The following IL1RAPL1 variants were observed in gnomAD, a reference collection of about 807,000 sequenced individuals.
The protein encoded by IL1RAPL1 is interleukin-1 receptor accessory protein-like 1.
Under a neutral mutation model 48.4 loss-of-function variants are expected in IL1RAPL1, and 3 were observed. The observed-to-expected ratio is 0.06, with a 90% CI of 0.03 to 0.16. The LOEUF (loss-of-function observed/expected upper bound fraction) is 0.16. IL1RAPL1 is among the 10% of genes least tolerant of loss of function. IL1RAPL1 has a pLI of 1.00. For synonymous variants in IL1RAPL1, 185 were observed against 187.7 expected (o/e 0.99, Z 0.12); for missense variants, 349 against 530.6 (o/e 0.66, Z 3.36).
chrX:28,976,596 A>G (rs946144722), intron 2 of IL1RAPL1, among the ~76,000 whole-genome samples: 10 of 111,723 alleles, frequency 9.0e-5, no homozygotes, highest in Middle Eastern at 4.6e-3. Flanking sequence ...GCAGTTTGTC[A>G]TTAAATCTGG....
chrX:29,007,312 A>C (rs1247668708), intron 2 of IL1RAPL1, among the ~76,000 whole-genome samples: 1 of 112,161 alleles, frequency 8.9e-6, no homozygotes, highest in Non-Finnish European at 1.9e-5. Flanking sequence ...TATAGGAGGT[A>C]TGAAGACCAG....
At chrX:29,888,618 G>C (rs1160726566) in intron 6 of IL1RAPL1, among the ~76,000 whole-genome samples, 1 of 110,838 alleles carries the variant, frequency 9.0e-6, no homozygotes, top group Non-Finnish European at 1.9e-5. Context: ...TATTCATCTG[G>C]TTATATTTTC....
chrX:29,803,275 A>ATG (rs199622870), intron 6 of IL1RAPL1, among the ~76,000 whole-genome samples: 9 of 32,803 alleles, frequency 2.7e-4, no homozygotes, highest in African/African-American at 8.7e-4. Flanking sequence ...ATATGTATAC[A>ATG]TATACACACA....
At chrX:29,479,569 G>A (rs1443999252) in intron 5 of IL1RAPL1, among the ~76,000 whole-genome samples, 5 of 108,010 alleles carry the variant, frequency 4.6e-5, no homozygotes, top group African/African-American at 1.7e-4. Context: ...GTTTTTTTTG[G>A]TTACAAGGAT....
At position 28,890,509 on chromosome X, in the gene IL1RAPL1, A is replaced by T. The variant is rs189523822; in HGVS notation, c.82+101084A>T. Among the ~76,000 whole-genome samples the T allele has an allele frequency of 9.6e-3, 1,078 of 111,886 alleles. 12 individuals are homozygous for T. The highest frequency in any genetic ancestry group is 0.016 in the Non-Finnish European group (852 of 52,996). ...AGGAAAATTATAGACAATAGTTTCT[A>T]TTATTATTTGCTTATTTTTCTATTG... On this transcript the variant is annotated intron_variant, in intron 2 of 10. Transcript: ENST00000378993.
intron 6 of IL1RAPL1, among the ~76,000 whole-genome samples, chrX:29,782,630 G>T (rs898070419): frequency 1.3e-4 from 15 of 111,399 alleles, no homozygotes; most frequent in African/African-American, 4.9e-4. Flanking sequence ...AAACTGGGCA[G>T]AAGTAATTCT....
intron 1 of IL1RAPL1, among the ~76,000 whole-genome samples, chrX:28,650,228 G>A (rs1281735294): frequency 8.9e-6 from 1 of 111,742 alleles, no homozygotes; most frequent in Non-Finnish European, 1.9e-5. Context: ...ATTGTACATT[G>A]TATTAGTCCA....
chrX:28,859,856 C>A (rs1921898041), intron 2 of IL1RAPL1, among the ~76,000 whole-genome samples: 1 of 109,179 alleles, frequency 9.2e-6, no homozygotes, highest in South Asian at 3.8e-4. Context: ...AAGATCTTAG[C>A]CATTTAAAAG....
intron 3 of IL1RAPL1, among the ~76,000 whole-genome samples, chrX:29,386,620 G>T (rs2147678648): frequency 9.4e-6 from 1 of 105,883 alleles, no homozygotes; most frequent in African/African-American, 3.5e-5. Flanking sequence ...TTGTCTCACT[G>T]CAACCTCTGC....
chrX:29,137,109 G>A (rs947124318), intron 2 of IL1RAPL1, among the ~76,000 whole-genome samples: 2 of 107,842 alleles, frequency 1.9e-5, no homozygotes, highest in African/African-American at 7.0e-5. Flanking sequence ...TATTTTAGAC[G>A]GCTTACTGCT....
intron 6 of IL1RAPL1, among the ~76,000 whole-genome samples, chrX:29,877,301 G>A (rs182446081): frequency 9.8e-4 from 109 of 111,061 alleles, no homozygotes; most frequent in Non-Finnish European, 3.4e-4. Flanking sequence ...TTAAAATTGG[G>A]GATCTCAGAT....
chrX:28,742,961 A>G (rs1056369021), intron 1 of IL1RAPL1, among the ~76,000 whole-genome samples: 10 of 112,017 alleles, frequency 8.9e-5, no homozygotes, highest in African/African-American at 2.9e-4. Context: ...GGGCTTTGGT[A>G]GAAACCAAAT....
chrX:28,885,452 A>T (rs1297934871), intron 2 of IL1RAPL1, among the ~76,000 whole-genome samples: 1 of 110,789 alleles, frequency 9.0e-6, no homozygotes, highest in East Asian at 2.8e-4. Flanking sequence ...TATTTGCCTG[A>T]CTCCTGCAGC....
At chrX:29,210,525 AATTT>A (rs1930749619) in intron 2 of IL1RAPL1, among the ~76,000 whole-genome samples, 2 of 112,380 alleles carry the variant, frequency 1.8e-5, no homozygotes, top group Non-Finnish European at 3.8e-5. Context: ...CTATTCATTT[AATTT>A]ATTCTTTACT....
intron 5 of IL1RAPL1, among the ~76,000 whole-genome samples, chrX:29,540,319 T>A (rs1431083092): frequency 9.0e-6 from 1 of 111,079 alleles, no homozygotes; most frequent in East Asian, 2.8e-4. Context: ...TGCTCATGGG[T>A]TGGAATAGTC....
chrX:29,222,177 G>A (rs760749252), intron 2 of IL1RAPL1, among the ~76,000 whole-genome samples: 71 of 111,132 alleles, frequency 6.4e-4, no homozygotes, highest in Non-Finnish European at 1.1e-3. Flanking sequence ...TTCCAATAGA[G>A]GATTCACCTC....
rs1226064880 is a variant in IL1RAPL1 at position 29,126,991 on chromosome X, A to C, written c.83-155947A>C. On this transcript the variant is annotated intron_variant, in intron 2 of 10. Coordinates refer to ENST00000378993, the MANE Select transcript of IL1RAPL1 (RefSeq NM_014271.4). ...TACTATCTGCAGGTCCTCAAGATCA[A>C]CTTAATCTCTAGTATGTAAGTCAAA... Among the ~76,000 whole-genome samples the C allele has an allele frequency of 2.7e-5, 3 of 111,574 alleles. No individual in the cohort carries two copies. In the Admixed American group the frequency reaches 2.9e-4, roughly 11 times the overall value.
chrX:29,335,638 T>A (rs1354074505), intron 3 of IL1RAPL1, among the ~76,000 whole-genome samples: 1 of 110,408 alleles, frequency 9.1e-6, no homozygotes, highest in Non-Finnish European at 1.9e-5. Flanking sequence ...GAGGCCACAA[T>A]TCCAATATAT....
chrX:28,976,012 C>A (rs183717202), intron 2 of IL1RAPL1, among the ~76,000 whole-genome samples: 2 of 110,801 alleles, frequency 1.8e-5, no homozygotes, highest in Non-Finnish European at 3.8e-5. Flanking sequence ...GGCTGGAGCA[C>A]AGTAAAGAAT....
Sources: gnomAD v4.1 joint callset for allele counts (sites outside exome capture counted in the v4.1 genomes callset) on GRCh38, gnomAD v4.1.1 for gene constraint, MANE v1.5 for transcripts, NCBI Gene and HGNC (gene_info 2026-07-23, HGNC 2026-07-21) for gene names.